The following CNNM2 variants were observed in gnomAD, a reference collection of about 807,000 sequenced individuals.
CNNM2 encodes cyclin and CBS domain divalent metal cation transport mediator 2, also known as metal transporter CNNM2.
In CNNM2, 12 loss-of-function variants were observed where a neutral mutation model predicts 66.9. The ratio of observed to expected loss-of-function variants is 0.18; its 90% CI spans 0.11 to 0.29. The LOEUF (loss-of-function observed/expected upper bound fraction) is 0.29. CNNM2 is among the 10% of genes least tolerant of loss of function. CNNM2 has a pLI of 1.00. For missense variants in CNNM2, 705 were observed against 1,167.7 expected, an observed-to-expected ratio of 0.60 and a Z score of 5.77; for synonymous variants, 557 against 501.8, an observed-to-expected ratio of 1.11 and a Z score of -1.47.
Position 103,000,249 on chromosome 10 carries a change from A to AT in CNNM2, c.1622-49457dup, listed in dbSNP as rs2064092732. Among the ~76,000 whole-genome samples the AT allele has an allele frequency of 8.0e-5, 6 of 74,718 alleles. No individual in the cohort carries two copies. The South Asian group carries it at 2.2e-3, about 27-fold the overall frequency. 49.0% of individuals were successfully genotyped at this position (74,718 alleles called of 152,430 possible). A position where few individuals can be genotyped will look rare whatever the true frequency, so the allele number is the denominator to read the frequency against. The stretch of plus-strand genomic sequence containing the variant: ...GAAACTCCGTCTCAAAAACAAATAA[A>AT]TAAATAAATAAATAAATAAATAAAT... On this transcript the variant is annotated intron_variant, in intron 1 of 7. Transcript: ENST00000369878.
chr10:102,954,377 C>T (rs1462105475), intron 1 of CNNM2, among the ~76,000 whole-genome samples: 1 of 151,862 alleles, frequency 6.6e-6, no homozygotes, highest in Non-Finnish European at 1.5e-5. Flanking sequence ...CTTTGGTCTC[C>T]CAAAATGCTG....
Position 103,084,216 on chromosome 10 carries a change from CTT to C in CNNM2, c.*7037_*7038del, listed in dbSNP as rs1414468465. The stretch of plus-strand genomic sequence containing the variant: ...GGATCGTGCTCTGAAAATTTAGCCT[CTT>C]GACTGGTCCATTTATAGTCTCCACT... On this transcript the variant is annotated 3_prime_UTR_variant, in exon 8 of 8. Coordinates refer to ENST00000369878, the MANE Select transcript of CNNM2 (RefSeq NM_017649.5). The C allele has an allele frequency of 2.0e-5, 3 of 152,144 alleles. No homozygotes were observed. Among genetic ancestry groups the C allele is most frequent in the African/African-American group, 7.2e-5 (3 of 41,412 alleles). The allele number at this position is 152,144 out of a possible 1,614,324, so 9.4% of individuals were successfully genotyped here.
At chr10:103,057,192 G>A (rs1187795862) in intron 4 of CNNM2, among the ~76,000 whole-genome samples, 1 of 152,134 alleles carries the variant, frequency 6.6e-6, no homozygotes, top group Non-Finnish European at 1.5e-5. Context: ...AGTAGGCTCG[G>A]TGCAGTGGCA....
chr10:103,059,986 A>T (rs967439479), intron 4 of CNNM2, among the ~76,000 whole-genome samples: 49 of 152,078 alleles, frequency 3.2e-4, no homozygotes, highest in Non-Finnish European at 1.0e-4. Flanking sequence ...AAAATTTTTT[A>T]AAAATTAGCC....
chr10:102,920,179 G>C, intron 1 of CNNM2, 78 bp downstream of exon 1: 1 of 1,612,222 alleles, frequency 6.2e-7, no homozygotes, highest in South Asian at 1.1e-5. Flanking sequence ...TCTACCCTCA[G>C]ACCAACCCCC....
intron 1 of CNNM2, among the ~76,000 whole-genome samples, chr10:102,945,417 G>A (rs1846581310): frequency 6.6e-6 from 1 of 152,250 alleles, no homozygotes; most frequent in African/African-American, 2.4e-5. Flanking sequence ...AACAAATACA[G>A]TATAATCTCA....
At position 103,056,841 on chromosome 10, in the gene CNNM2, A is replaced by G. The variant is rs769188899; in HGVS notation, c.1950A>G (p.Leu650=). The G allele has an allele frequency of 6.2e-7, 1 of 1,614,010 alleles. No homozygotes were observed. Among genetic ancestry groups the G allele is most frequent in the Admixed American group, 1.7e-5 (1 of 60,026 alleles). Residue 650 remains leucine, a synonymous_variant, in exon 4 of 8, where the codon CTA becomes CTG. Transcript: ENST00000369878. The part of the protein sequence containing the change: ...SPSQMSEKIL[L]RLLKHPNVIQ... The stretch of plus-strand genomic sequence containing the variant: ...CCCAGATGTCAGAGAAGATCCTTCT[A>G]AGGCTGCTAAAGCACCCCAATGTCA...
chr10:102,983,747 A>C (rs2063753585), intron 1 of CNNM2, among the ~76,000 whole-genome samples: 1 of 144,384 alleles, frequency 6.9e-6, no homozygotes, highest in African/African-American at 2.6e-5. Flanking sequence ...AGTTTGTTTC[A>C]TTTTACATAG....
chr10:103,050,929 G>A (rs2065203249), intron 2 of CNNM2, among the ~76,000 whole-genome samples: 2 of 152,256 alleles, frequency 1.3e-5, no homozygotes, highest in African/African-American at 2.4e-5. Context: ...CACACCCTTA[G>A]CAATGCTCAA....
intron 1 of CNNM2, chr10:102,927,271 T>A (rs1845902565): frequency 1.3e-6 from 2 of 1,598,572 alleles, no homozygotes; most frequent in South Asian, 1.1e-5. Flanking sequence ...AACTCAAACA[T>A]GTGGAAGTGG....
intron 1 of CNNM2, among the ~76,000 whole-genome samples, chr10:102,940,685 T>C (rs1460528400): frequency 6.6e-6 from 1 of 151,692 alleles, no homozygotes; most frequent in African/African-American, 2.4e-5. Context: ...CCTAAAGTGC[T>C]GGGATTACAG....
At chr10:103,024,299 A>G (rs1438584789) in intron 1 of CNNM2, among the ~76,000 whole-genome samples, 1 of 152,164 alleles carries the variant, frequency 6.6e-6, no homozygotes, top group Non-Finnish European at 1.5e-5. Flanking sequence ...ACCCATTACC[A>G]ATTCAATAAC....
intron 1 of CNNM2, among the ~76,000 whole-genome samples, chr10:102,920,762 TTTAAA>T (rs1248091152): frequency 6.6e-6 from 1 of 152,182 alleles, no homozygotes; most frequent in Non-Finnish European, 1.5e-5. Context: ...TTGTTGTTGT[TTTAAA>T]TTAAAGTTAT....
At chr10:102,928,979 G>A (rs1463967816) in intron 1 of CNNM2, among the ~76,000 whole-genome samples, 3 of 152,176 alleles carry the variant, frequency 2.0e-5, no homozygotes, top group Non-Finnish European at 4.4e-5. Flanking sequence ...GGCTAGGCTC[G>A]CTGGGCGTGG....
In CNNM2 at chr10:103,089,674, A is replaced by G; in HGVS notation, c.*12494A>G. On this transcript the variant is annotated 3_prime_UTR_variant, in exon 8 of 8. Coordinates refer to ENST00000369878, the MANE Select transcript of CNNM2 (RefSeq NM_017649.5). ...GCTTGGGGTTTTGGTTTTCCTCCTT[A>G]TTCTTCCTCCTCCTCCTCCTCTTCA... The G allele has an allele frequency of 6.3e-7, 1 of 1,594,964 alleles. No homozygotes were observed. The highest frequency in any genetic ancestry group is 8.5e-7 in the Non-Finnish European group (1 of 1,171,136).
At chr10:103,039,477 C>G (rs1426097063) in intron 1 of CNNM2, among the ~76,000 whole-genome samples, 2 of 152,142 alleles carry the variant, frequency 1.3e-5, no homozygotes, top group East Asian at 1.9e-4. Flanking sequence ...CGAAGACTTG[C>G]AAGGCACATA....
intron 7 of CNNM2, among the ~76,000 whole-genome samples, 194 bp downstream of exon 7, chr10:103,076,464 C>A (rs1564873304): frequency 6.6e-6 from 1 of 152,220 alleles, no homozygotes; most frequent in African/African-American, 2.4e-5. Flanking sequence ...AAACGTTGAT[C>A]TTCTTGGTTC....
intron 1 of CNNM2, among the ~76,000 whole-genome samples, chr10:102,992,056 C>T (rs1012373762): frequency 6.6e-6 from 1 of 152,022 alleles, no homozygotes; most frequent in Non-Finnish European, 1.5e-5. Flanking sequence ...TATGTACATG[C>T]TGATGTATTA....
chr10:103,075,046 C>G (rs1483724137), intron 6 of CNNM2, among the ~76,000 whole-genome samples: 1 of 152,122 alleles, frequency 6.6e-6, no homozygotes, highest in Non-Finnish European at 1.5e-5. Context: ...TACTAAAGCT[C>G]CACACAGAGG....
Sources: allele counts gnomAD v4.1 joint callset (sites outside exome capture counted in the v4.1 genomes callset), GRCh38; gene constraint gnomAD v4.1.1; transcripts MANE v1.5; gene names NCBI Gene and HGNC (gene_info 2026-07-23, HGNC 2026-07-21).